Variants in FSTL1 observed in about 807,000 individuals in gnomAD.
FSTL1 encodes the protein follistatin-related protein 1.
Under a neutral mutation model 45.9 loss-of-function variants are expected in FSTL1, and 24 were observed. The ratio of observed to expected loss-of-function variants is 0.52; its 90% confidence interval spans 0.38 to 0.74. The LOEUF (loss-of-function observed/expected upper bound fraction) is 0.74. Ranked by LOEUF, FSTL1 falls within the 30% of genes least tolerant of loss-of-function variation. The pLI, the probability that FSTL1 is intolerant of heterozygous loss-of-function variation, is 0.00. For synonymous variants in FSTL1, 120 were observed against 137.6 expected (o/e 0.87, Z 0.89); for missense variants, 340 against 381.8 (o/e 0.89, Z 0.91).
chr3:120,407,863 A>C (rs1163832471), intron 6 of FSTL1, among the ~76,000 whole-genome samples: 1 of 152,210 alleles, frequency 6.6e-6, no homozygotes, highest in South Asian at 2.1e-4. Context: ...ACTTTCCCAA[A>C]GGGCCTTATA....
rs1411225285 is a variant in FSTL1, at chr3:120,396,879, C to T, written c.*73G>A. ...CTGGTGATTTGGCGACTGTAGCAGA[C>T]ACTTGTGTATACTGAACTCAGCGCT... On this transcript the variant is annotated 3_prime_UTR_variant, in exon 11 of 11. Transcript: ENST00000295633. 5.9e-6 allele frequency: 6 copies of T among 1,024,892 alleles called. No homozygotes were observed. Among genetic ancestry groups the T allele is most frequent in the African/African-American group, 3.2e-5 (2 of 63,286 alleles). The allele number at this position is 1,024,892 out of a possible 1,614,324, so 63.5% of individuals were successfully genotyped here. A position where few individuals can be genotyped will look rare whatever the true frequency, so the allele number is the denominator to read the frequency against.
intron 3 of FSTL1, among the ~76,000 whole-genome samples, chr3:120,413,222 G>A (rs1937107009): frequency 6.6e-6 from 1 of 152,210 alleles, no homozygotes; most frequent in African/African-American, 2.4e-5. Context: ...GAAGCACAGA[G>A]CACTGGAAGT....
intron 2 of FSTL1, among the ~76,000 whole-genome samples, chr3:120,448,713 G>A (rs2107675422): frequency 6.6e-6 from 1 of 152,290 alleles, no homozygotes; most frequent in Non-Finnish European, 1.5e-5. Flanking sequence ...TGGGAATTAT[G>A]TGAGAGCACT....
chr3:120,392,866 A>G lies in FSTL1; in HGVS notation c.*4086T>C, dbSNP rs1349714901. The G allele has an allele frequency of 6.6e-6, 1 of 152,094 alleles. No homozygotes were observed. The highest frequency in any genetic ancestry group is 1.5e-5 in the Non-Finnish European group (1 of 68,032). The allele number at this position is 152,094 out of a possible 1,614,324, so 9.4% of individuals were successfully genotyped here. A position where few individuals can be genotyped will look rare whatever the true frequency, so the allele number is the denominator to read the frequency against. The stretch of plus-strand genomic sequence containing the variant: ...CAGAAATAATTCAAGAGGACTGATG[A>G]TAACTTGATAAAGAAGCTCTAAAAT... On this transcript the variant is annotated 3_prime_UTR_variant, in exon 11 of 11. Transcript: ENST00000295633.
In FSTL1 at chr3:120,396,683, T is replaced by A. The variant is rs1036078195; in HGVS notation, c.*269A>T. On this transcript the variant is annotated 3_prime_UTR_variant, in exon 11 of 11. Transcript: ENST00000295633. The stretch of plus-strand genomic sequence containing the variant: ...AGATTTGGGTCTGTTCCTCTTTCAA[T>A]CGTGATGCAGTTTCCTTACTAGCCT... The A allele has an allele frequency of 7.2e-5, 32 of 444,048 alleles. No homozygotes were observed. In the Admixed American group the frequency reaches 1.2e-3, roughly 16 times the overall value. 27.5% of individuals were successfully genotyped at this position (444,048 alleles called of 1,614,324 possible). A position where few individuals can be genotyped will look rare whatever the true frequency, so the allele number is the denominator to read the frequency against.
chr3:120,394,417 A>C lies in FSTL1; in HGVS notation c.*2535T>G, dbSNP rs1936655236. On this transcript the variant is annotated 3_prime_UTR_variant, in exon 11 of 11. Coordinates refer to ENST00000295633, the MANE Select transcript of FSTL1 (RefSeq NM_007085.5). ...ACATATGCAACAGAAACTTGTTTAG[A>C]TTGTTTCTTGAAGTTTGACTACTTA... The C allele has an allele frequency of 6.6e-6, 1 of 152,252 alleles. No homozygotes were observed. 9.4% of individuals were successfully genotyped at this position (152,252 alleles called of 1,614,324 possible).
rs773271894 is a variant in FSTL1 at position 120,416,008 on chromosome 3, G to A, written c.83C>T (p.Ser28Phe). 1.2e-6 allele frequency: 2 copies of A among 1,613,470 alleles called. No individual in the cohort carries two copies. The highest frequency in any genetic ancestry group is 2.2e-5 in the South Asian group (2 of 91,054). The stretch of plus-strand genomic sequence containing the variant: ...ACAAAACACATTGGCACAGATCTTG[G>A]ATTTGCTCCTTAGCTCTTCCTAAAA... ...VRAEEELRSKSKICANVFCGA... is the reference protein window; with the variant it reads ...VRAEEELRSKFKICANVFCGA... The change falls in exon 3 of 11, where the codon TCC becomes TTC. Residue 28 changes from serine to phenylalanine, a missense_variant. Transcript: ENST00000295633.
intron 2 of FSTL1, among the ~76,000 whole-genome samples, chr3:120,450,400 G>A (rs1226014834): frequency 1.3e-5 from 2 of 152,240 alleles, no homozygotes; most frequent in East Asian, 3.9e-4. Context: ...TCCAGTCGCC[G>A]CCTCGTCCCC....
At chr3:120,441,289 CT>C (rs1204049520) in intron 2 of FSTL1, 1 of 152,190 alleles carries the variant, frequency 6.6e-6, no homozygotes, top group Admixed American at 6.5e-5. Context: ...CCTTTTCTTT[CT>C]GTTTTCTTCC....
rs1317738416 is a variant in FSTL1 at position 120,396,837 on chromosome 3, T to G, written c.*115A>C. 6 of 768,072 alleles carry G rather than the reference T, an allele frequency of 7.8e-6. No homozygotes were observed. Among genetic ancestry groups the G allele is most frequent in the South Asian group, 3.0e-5 (2 of 67,038 alleles). The allele number at this position is 768,072 out of a possible 1,614,324, so 47.6% of individuals were successfully genotyped here. Reference sequence around the variant, plus strand: ...AACAAATAAACAAAATAAAACTCATTGCTATATAAGCAAATACTGGTGATT... The same window carrying G: ...AACAAATAAACAAAATAAAACTCATGGCTATATAAGCAAATACTGGTGATT... On this transcript the variant is annotated 3_prime_UTR_variant, in exon 11 of 11. Coordinates refer to ENST00000295633, the MANE Select transcript of FSTL1 (RefSeq NM_007085.5).
intron 3 of FSTL1, among the ~76,000 whole-genome samples, chr3:120,412,803 C>A (rs1028703159): frequency 1.3e-5 from 2 of 148,574 alleles, no homozygotes; most frequent in Non-Finnish European, 3.0e-5. Context: ...GGCAGGCAGG[C>A]AAACACACAC....
At chr3:120,415,003 TAA>T (rs138778788) in intron 3 of FSTL1, among the ~76,000 whole-genome samples, 4 of 147,350 alleles carry the variant, frequency 2.7e-5, no homozygotes, top group Non-Finnish European at 6.0e-5. Flanking sequence ...ATAAATAAAT[TAA>T]AAAAAAAAGA....
At chr3:120,406,444 C>A (rs901925464) in intron 6 of FSTL1, among the ~76,000 whole-genome samples, 1 of 151,928 alleles carries the variant, frequency 6.6e-6, no homozygotes, top group Non-Finnish European at 1.5e-5. Context: ...TAGCTACAGA[C>A]CCAGTGCCAC....
At chr3:120,402,183 C>G (rs1936839993) in intron 9 of FSTL1, among the ~76,000 whole-genome samples, 1 of 152,160 alleles carries the variant, frequency 6.6e-6, no homozygotes. Flanking sequence ...TCAACTTTCT[C>G]TTTTTAAAAA....
intron 9 of FSTL1, 87 bp from the exon 10 acceptor site, chr3:120,400,046 C>T: frequency 1.2e-6 from 1 of 853,296 alleles, no homozygotes; most frequent in East Asian, 2.6e-5. Flanking sequence ...GCTCTCAATT[C>T]ATCTCCCATT....
chr3:120,440,815 A>G (rs1937619903), intron 2 of FSTL1, among the ~76,000 whole-genome samples: 1 of 152,232 alleles, frequency 6.6e-6, no homozygotes, highest in South Asian at 2.1e-4. Context: ...TGCAGCCCAG[A>G]CACTTCAGGA....
intron 2 of FSTL1, among the ~76,000 whole-genome samples, chr3:120,418,749 C>CAT (rs34970822): frequency 0.6 from 90,472 of 151,848 alleles, 28,986 homozygotes; most frequent in Middle Eastern, 0.73. Flanking sequence ...TCAGCTTCCT[C>CAT]GTGAAAACTG....
chr3:120,433,615 G>T (rs1447404448), intron 2 of FSTL1, among the ~76,000 whole-genome samples: 1 of 152,208 alleles, frequency 6.6e-6, no homozygotes, highest in Non-Finnish European at 1.5e-5. Flanking sequence ...CTAGAGGGAG[G>T]AAGGTGAATA....
intron 2 of FSTL1, among the ~76,000 whole-genome samples, chr3:120,440,842 G>A (rs367557550): frequency 1.8e-4 from 27 of 152,338 alleles, no homozygotes; most frequent in African/African-American, 6.5e-4. Flanking sequence ...CTCTGTAATG[G>A]TGAGAGAAGG....
Sources: gnomAD v4.1 joint callset for allele counts (sites outside exome capture counted in the v4.1 genomes callset) on GRCh38, gnomAD v4.1.1 for gene constraint, MANE v1.5 for transcripts, NCBI Gene and HGNC (gene_info 2026-07-23, HGNC 2026-07-21) for gene names.